AGBL4: variants seen among roughly 807,000 people sequenced by gnomAD.
The protein encoded by AGBL4 is AGBL carboxypeptidase 4.
Under a neutral mutation model 66.4 loss-of-function variants are expected in AGBL4, and 58 were observed. The ratio of observed to expected loss-of-function variants is 0.87; its 90% CI spans 0.71 to 1.09. The LOEUF (loss-of-function observed/expected upper bound fraction) is 1.09, where lower values mean the gene tolerates loss of function less well. AGBL4 is among the 50% of genes least tolerant of loss of function. The pLI is 0.00. For missense variants in AGBL4, 579 were observed against 631.0 expected (o/e 0.92, Z 0.88); for synonymous variants, 234 against 222.9 (o/e 1.05, Z -0.44).
intron 7 of AGBL4, among the ~76,000 whole-genome samples, chr1:48,661,372 T>C (rs1045734870): frequency 1.3e-5 from 2 of 152,006 alleles, no homozygotes; most frequent in African/African-American, 4.8e-5. Context: ...GGTGCACTGG[T>C]CAAGAGAAGA....
chr1:49,387,777 C>T (rs575106122), intron 3 of AGBL4, among the ~76,000 whole-genome samples: 125 of 152,052 alleles, frequency 8.2e-4, no homozygotes, highest in African/African-American at 2.9e-3. Context: ...CCATTATTAA[C>T]GTGATCATAT....
intron 3 of AGBL4, among the ~76,000 whole-genome samples, chr1:49,350,494 C>T (rs1375970587): frequency 5.9e-5 from 9 of 152,192 alleles, no homozygotes; most frequent in Non-Finnish European, 4.4e-5. Flanking sequence ...TGAGCCACCG[C>T]GCCCGGCCCT....
At position 49,360,575 on chromosome 1, in the gene AGBL4, A is replaced by C. The variant is rs1382260526; in HGVS notation, c.283-114711T>G. Among the ~76,000 whole-genome samples, 4 of 152,214 alleles carry C rather than the reference A, an allele frequency of 2.6e-5. No homozygotes were observed. The East Asian group carries it at 7.7e-4, about 29-fold the overall frequency. On this transcript the variant is annotated intron_variant, in intron 3 of 13. Transcript: ENST00000371839. ...AACAGTTTTCTAAAAGGCAGCATGTAAGTGTCCATATATACACAAATGAAC... is the reference window on the plus strand; with the variant it reads ...AACAGTTTTCTAAAAGGCAGCATGTCAGTGTCCATATATACACAAATGAAC...
At chr1:49,585,056 A>G (rs896834968) in intron 3 of AGBL4, among the ~76,000 whole-genome samples, 1 of 152,238 alleles carries the variant, frequency 6.6e-6, no homozygotes, top group Non-Finnish European at 1.5e-5. Context: ...TAGTATGAAT[A>G]GAACACTTAC....
At chr1:49,020,599 G>A (rs564345596) in intron 5 of AGBL4, among the ~76,000 whole-genome samples, 1 of 152,270 alleles carries the variant, frequency 6.6e-6, no homozygotes, top group African/African-American at 2.4e-5. Flanking sequence ...GGCAGGGGGT[G>A]TCCTGGAGGA....
intron 3 of AGBL4, among the ~76,000 whole-genome samples, chr1:49,651,738 AAAAT>A (rs1646009912): frequency 6.6e-6 from 1 of 152,174 alleles, no homozygotes; most frequent in Non-Finnish European, 1.5e-5. Flanking sequence ...CAGCAAATTC[AAAAT>A]AAGAAGTGAC....
intron 1 of AGBL4, among the ~76,000 whole-genome samples, chr1:49,888,045 C>T (rs1185659568): frequency 4.6e-5 from 7 of 152,020 alleles, no homozygotes; most frequent in African/African-American, 1.2e-4. Flanking sequence ...TATTTTCAGA[C>T]GGGAGGCTAG....
intron 3 of AGBL4, among the ~76,000 whole-genome samples, chr1:49,414,465 T>C (rs1413838777): frequency 6.6e-6 from 1 of 152,206 alleles, no homozygotes; most frequent in African/African-American, 2.4e-5. Context: ...TTAAATATTT[T>C]TGAAGTGAAA....
intron 3 of AGBL4, among the ~76,000 whole-genome samples, chr1:49,580,112 G>A (rs1314012681): frequency 6.6e-6 from 1 of 151,948 alleles, no homozygotes; most frequent in Non-Finnish European, 1.5e-5. Flanking sequence ...CCTACTTTAT[G>A]TGATATGAGT....
chr1:49,802,352 A>G (rs1364182314), intron 2 of AGBL4, among the ~76,000 whole-genome samples: 2 of 151,620 alleles, frequency 1.3e-5, no homozygotes, highest in Admixed American at 1.3e-4. Flanking sequence ...GTTAAGGCAT[A>G]CTCCCTTCTG....
At chr1:49,840,361 T>G (rs1645959621) in intron 2 of AGBL4, among the ~76,000 whole-genome samples, 1 of 152,218 alleles carries the variant, frequency 6.6e-6, no homozygotes, top group Admixed American at 6.5e-5. Flanking sequence ...ATTTTTTTCT[T>G]TGTTTATCTA....
intron 1 of AGBL4, among the ~76,000 whole-genome samples, chr1:49,941,908 A>T (rs1335254794): frequency 6.6e-6 from 1 of 152,102 alleles, no homozygotes; most frequent in Admixed American, 6.6e-5. Context: ...AAAAAGAAAT[A>T]AAAGGAATCC....
chr1:49,925,087 T>G (rs1360257906), intron 1 of AGBL4, among the ~76,000 whole-genome samples: 27 of 152,194 alleles, frequency 1.8e-4, no homozygotes, highest in Admixed American at 1.8e-3. Context: ...TCACCTCTTC[T>G]CTAATCCAAA....
chr1:49,754,016 T>A (rs992057570), intron 2 of AGBL4, among the ~76,000 whole-genome samples: 1 of 152,196 alleles, frequency 6.6e-6, no homozygotes, highest in African/African-American at 2.4e-5. Context: ...GGTTAGAACA[T>A]GCTCCTTTAG....
intron 3 of AGBL4, among the ~76,000 whole-genome samples, chr1:49,309,717 T>G (rs967560559): frequency 6.6e-6 from 1 of 151,962 alleles, no homozygotes; most frequent in African/African-American, 2.4e-5. Context: ...AGTCACTGAT[T>G]TTTCTGGAAG....
At chr1:49,742,500 C>T (rs1650595761) in intron 2 of AGBL4, among the ~76,000 whole-genome samples, 1 of 151,558 alleles carries the variant, frequency 6.6e-6, no homozygotes, top group Non-Finnish European at 1.5e-5. Flanking sequence ...AGATTCAATG[C>T]CATCCCCATC....
At chr1:49,690,650 A>T (rs753497451) in intron 3 of AGBL4, among the ~76,000 whole-genome samples, 3 of 152,220 alleles carry the variant, frequency 2.0e-5, no homozygotes, top group Non-Finnish European at 4.4e-5. Flanking sequence ...GGCTTAGAAC[A>T]CTACTTATGA....
intron 3 of AGBL4, among the ~76,000 whole-genome samples, chr1:49,343,122 A>C (rs1305508033): frequency 1.3e-5 from 2 of 151,414 alleles, no homozygotes; most frequent in African/African-American, 2.4e-5. Context: ...TTTTCTTCTC[A>C]GTCGGCCTGA....
chr1:48,989,411 A>T (rs1660433418), intron 5 of AGBL4, among the ~76,000 whole-genome samples: 1 of 152,054 alleles, frequency 6.6e-6, no homozygotes, highest in African/African-American at 2.4e-5. Flanking sequence ...TAAATGTACA[A>T]TTAAATTATT....
Sources: allele counts gnomAD v4.1 joint callset (sites outside exome capture counted in the v4.1 genomes callset), GRCh38; gene constraint gnomAD v4.1.1; transcripts MANE v1.5; gene names NCBI Gene and HGNC (gene_info 2026-07-23, HGNC 2026-07-21).